LRRK1: variants seen among roughly 807,000 people sequenced by gnomAD.
The protein encoded by LRRK1 is leucine-rich repeat serine/threonine-protein kinase 1.
In LRRK1, 113 loss-of-function variants were observed where a neutral mutation model predicts 209.1. The ratio of observed to expected loss-of-function variants is 0.54; its 90% confidence interval spans 0.46 to 0.63. The LOEUF is 0.63. Ranked by LOEUF, LRRK1 falls within the 30% of genes least tolerant of loss-of-function variation. LRRK1 has a pLI of 0.00. For synonymous variants in LRRK1, 1,144 were observed against 1,099.7 expected, an observed-to-expected ratio of 1.04 and a Z score of -0.80; for missense variants, 2,284 against 2,632.2, an observed-to-expected ratio of 0.87 and a Z score of 2.89.
chr15:100,953,984 C>T lies in LRRK1; in HGVS notation c.98-19820C>T, dbSNP rs188543857. ...AGGCTGGAGGGCAGTGGCACAATCT[C>T]GGCTCACTGCAACCTCTGTCTCCCA... On this transcript the variant is annotated intron_variant, in intron 2 of 33. Coordinates refer to ENST00000388948, the MANE Select transcript of LRRK1 (RefSeq NM_024652.6). Among the ~76,000 whole-genome samples the T allele has an allele frequency of 5.5e-3, 833 of 152,186 alleles. 6 individuals are homozygous for T. The highest frequency in any genetic ancestry group is 8.7e-3 in the Admixed American group (133 of 15,280).
Position 101,055,199 on chromosome 15 carries a change from G to T in LRRK1, c.4308G>T (p.Arg1436Ser). 1 of 1,592,086 alleles carries T rather than the reference G, an allele frequency of 6.3e-7. No individual in the cohort carries two copies. Among genetic ancestry groups the T allele is most frequent in the Non-Finnish European group, 8.5e-7 (1 of 1,169,692 alleles). Reference sequence around the variant, plus strand: ...CTGGCTACCAGGCCCCAGAGATCAGGCCTCGCATTGTATATGATGAGAAGG... The same window carrying T: ...CTGGCTACCAGGCCCCAGAGATCAGTCCTCGCATTGTATATGATGAGAAGG... The part of the protein sequence containing the change: ...GTPGYQAPEI[R>S]PRIVYDEKVD... The change falls in exon 27 of 34, where the codon AGG becomes AGT. Residue 1436 changes from arginine to serine, a missense_variant. Coordinates refer to ENST00000388948, the MANE Select transcript of LRRK1 (RefSeq NM_024652.6).
intron 12 of LRRK1, among the ~76,000 whole-genome samples, chr15:101,018,646 C>T (rs775945540): frequency 3.9e-5 from 6 of 152,182 alleles, no homozygotes; most frequent in Non-Finnish European, 8.8e-5. Context: ...TAGGACTACG[C>T]GCGGTACCAA....
chr15:100,945,217 C>A (rs181138939), intron 2 of LRRK1, among the ~76,000 whole-genome samples: 4 of 152,326 alleles, frequency 2.6e-5, no homozygotes, highest in African/African-American at 9.6e-5. Context: ...TTCGAAAAAT[C>A]TGACAGATGT....
chr15:100,980,063 T>C (rs971589116), intron 3 of LRRK1, among the ~76,000 whole-genome samples: 1 of 152,182 alleles, frequency 6.6e-6, no homozygotes, highest in Non-Finnish European at 1.5e-5. Flanking sequence ...GAACCAGCAA[T>C]TGAACTCCTG....
In LRRK1 at chr15:101,027,931, C is replaced by T. The variant is rs1178665291; in HGVS notation, c.2686+134C>T. ...GCGTTTCTGCCTTCCATCCCCCTCC[C>T]CTTCCTTCTTCCCTCTCACCCTTCT... On this transcript the variant is annotated intron_variant, in intron 19 of 33. Coordinates refer to ENST00000388948, the MANE Select transcript of LRRK1 (RefSeq NM_024652.6). This position sits in a 1 kb window ranked among gnomAD's most constrained non-coding sequence, Gnocchi z 5.1. 3 of 765,272 alleles carry T rather than the reference C, an allele frequency of 3.9e-6. No homozygotes were observed. The highest frequency in any genetic ancestry group is 2.1e-6 in the Non-Finnish European group (1 of 482,428). The allele number at this position is 765,272 out of a possible 1,614,324, so 47.4% of individuals were successfully genotyped here.
Position 101,027,502 on chromosome 15 carries a change from G to A in LRRK1, c.2526+121G>A, listed in dbSNP as rs1448187234. ...GTGGCAAGGCTCGGTGGTTCCTGGTGAGGGAGGGTCAGGATGGAAGATAGT... is the reference window on the plus strand; with the variant it reads ...GTGGCAAGGCTCGGTGGTTCCTGGTAAGGGAGGGTCAGGATGGAAGATAGT... On this transcript the variant is annotated intron_variant, in intron 18 of 33. Transcript: ENST00000388948. This position sits in a 1 kb window ranked among gnomAD's most constrained non-coding sequence, Gnocchi z 5.1. 1 of 1,509,962 alleles carries A rather than the reference G, an allele frequency of 6.6e-7. No homozygotes were observed. The highest frequency in any genetic ancestry group is 1.4e-5 in the African/African-American group (1 of 72,506). The allele number at this position is 1,509,962 out of a possible 1,614,324, so 93.5% of individuals were successfully genotyped here.
intron 2 of LRRK1, among the ~76,000 whole-genome samples, chr15:100,963,797 A>T (rs1476440855): frequency 6.6e-6 from 1 of 152,180 alleles, no homozygotes; most frequent in Non-Finnish European, 1.5e-5. Context: ...TGGCCAATGG[A>T]CCAGAGGATG....
At chr15:101,046,455 C>T (rs2035081178) in intron 21 of LRRK1, among the ~76,000 whole-genome samples, 1 of 152,194 alleles carries the variant, frequency 6.6e-6, no homozygotes, top group African/African-American at 2.4e-5. Flanking sequence ...TTTGGTGGCC[C>T]CACCCGAGGT....
intron 2 of LRRK1, among the ~76,000 whole-genome samples, chr15:100,961,194 C>T (rs868036526): frequency 5.9e-5 from 9 of 152,320 alleles, no homozygotes; most frequent in Middle Eastern, 6.8e-3. Context: ...CCTGAGTGTG[C>T]TGGCTCAGGT....
In LRRK1 at chr15:101,065,362, T is replaced by G. The variant is rs1471018022; in HGVS notation, c.4925T>G (p.Leu1642Arg). 1.2e-6 allele frequency: 2 copies of G among 1,613,082 alleles called. No homozygotes were observed. The highest frequency in any genetic ancestry group is 1.7e-6 in the Non-Finnish European group (2 of 1,179,716). The part of the protein sequence containing the change: ...AVPVIKKNSY[L>R]VLAGLADGLV... The stretch of plus-strand genomic sequence containing the variant: ...GTCTCCTTCCTTCAGAATTCCTACC[T>G]GGTCTTAGCGGGCCTCGCCGATGGG... Residue 1642 changes from leucine to arginine, a missense_variant, in exon 32 of 34, where the codon CTG (leucine) becomes CGG (arginine). Coordinates refer to ENST00000388948, the MANE Select transcript of LRRK1 (RefSeq NM_024652.6).
chr15:101,028,616 T>G (rs1283259502), intron 19 of LRRK1, among the ~76,000 whole-genome samples: 1 of 152,234 alleles, frequency 6.6e-6, no homozygotes, highest in Non-Finnish European at 1.5e-5. Flanking sequence ...TTTTCACCAC[T>G]CAGCACATGT....
At position 101,067,363 on chromosome 15, in the gene LRRK1, C is replaced by T. The variant is rs2141166713; in HGVS notation, c.5870+622C>T. The T allele has an allele frequency of 4.5e-6, 2 of 447,492 alleles. 1 individual carries two copies. 27.7% of individuals were successfully genotyped at this position (447,492 alleles called of 1,614,324 possible). A position where few individuals can be genotyped will look rare whatever the true frequency, so the allele number is the denominator to read the frequency against. Reference sequence around the variant, plus strand: ...AGCTCCCCACAGTGTTTACACCCCGCACTTTGACTACCGAGCCCCACACGG... The same window carrying T: ...AGCTCCCCACAGTGTTTACACCCCGTACTTTGACTACCGAGCCCCACACGG... On this transcript the variant is annotated intron_variant, in intron 33 of 33. Coordinates refer to ENST00000388948, the MANE Select transcript of LRRK1 (RefSeq NM_024652.6).
chr15:101,003,240 G>A (rs2032787427), intron 6 of LRRK1, among the ~76,000 whole-genome samples: 1 of 152,146 alleles, frequency 6.6e-6, no homozygotes, highest in Admixed American at 6.5e-5. Flanking sequence ...TTTTCCGAGT[G>A]TCAACATTTT....
rs187655690 is a variant in LRRK1 at position 100,987,098 on chromosome 15, A to G, written c.434-1536A>G. ...TCACTTATTTTCTGTTAACATACCT[A>G]CAAATCATTAATTCTGGTTAACAGT... On this transcript the variant is annotated intron_variant, in intron 4 of 33. Transcript: ENST00000388948. Among the ~76,000 whole-genome samples, 1,194 of 152,294 alleles carry G rather than the reference A, an allele frequency of 7.8e-3. 17 individuals are homozygous for G. The highest frequency in any genetic ancestry group is 0.028 in the African/African-American group (1,146 of 41,554).
chr15:101,057,391 G>A (rs1032878065), intron 28 of LRRK1, among the ~76,000 whole-genome samples: 3 of 152,200 alleles, frequency 2.0e-5, no homozygotes, highest in East Asian at 1.9e-4. Flanking sequence ...AAAAGGTTTC[G>A]TTGTGAGAAT....
chr15:101,031,773 C>T (rs1258403332), intron 20 of LRRK1, among the ~76,000 whole-genome samples: 3 of 150,596 alleles, frequency 2.0e-5, no homozygotes, highest in Admixed American at 6.6e-5. Context: ...CTCGCTCTGT[C>T]GCCCAGACTG....
At chr15:100,961,841 G>A (rs1466991016) in intron 2 of LRRK1, among the ~76,000 whole-genome samples, 1 of 152,152 alleles carries the variant, frequency 6.6e-6, no homozygotes, top group Non-Finnish European at 1.5e-5. Flanking sequence ...CCTTGTATGG[G>A]TGTTGGGAGG....
chr15:101,061,240 G>A lies in LRRK1; in HGVS notation c.4749G>A (p.Lys1583=), dbSNP rs1156549086. ...AGAGGATGTGCTGCCCTGGGATGAA[G>A]GTGAGCTGCCAGCTCCAGGTCCAGA... ...EVQRMCCPGM[K]VSCQLQVQRS... The change falls in exon 30 of 34, where the codon AAG becomes AAA. Residue 1583 remains lysine, a synonymous_variant. Transcript: ENST00000388948. 1 of 1,614,058 alleles carries A rather than the reference G, an allele frequency of 6.2e-7. No individual in the cohort carries two copies. The highest frequency in any genetic ancestry group is 1.7e-5 in the Admixed American group (1 of 60,004).
chr15:101,046,450 T>G (rs1267175659), intron 21 of LRRK1, among the ~76,000 whole-genome samples: 1 of 152,214 alleles, frequency 6.6e-6, no homozygotes, highest in Non-Finnish European at 1.5e-5. Flanking sequence ...CACAGTTTGG[T>G]GGCCCCACCC....
Sources: gnomAD v4.1 joint callset for allele counts (sites outside exome capture counted in the v4.1 genomes callset) on GRCh38, gnomAD v4.1.1 for gene constraint, Gnocchi (gnomAD v3.1) non-coding constraint, MANE v1.5 for transcripts, NCBI Gene and HGNC (gene_info 2026-07-23, HGNC 2026-07-21) for gene names.